The following NANOG variants were observed in gnomAD, a reference collection of about 807,000 sequenced individuals.
The protein encoded by NANOG is homeobox protein NANOG.
In NANOG, 2 loss-of-function variants were observed where a neutral mutation model predicts 17.7. The ratio of observed to expected loss-of-function variants is 0.11; its 90% confidence interval spans 0.05 to 0.36. The LOEUF (loss-of-function observed/expected upper bound fraction) is 0.36. Ranked by LOEUF, NANOG falls within the 10% of genes least tolerant of loss-of-function variation. NANOG has a pLI of 1.00. For missense variants in NANOG, 174 were observed against 362.1 expected (o/e 0.48, Z 4.22); for synonymous variants, 81 against 124.7 (o/e 0.65, Z 2.33).
rs555462620 is a variant in NANOG, at chr12:7,797,960, T to A, written c.*2865T>A. On this transcript the variant is annotated 3_prime_UTR_variant, in exon 4 of 4. Transcript: ENST00000229307. The stretch of plus-strand genomic sequence containing the variant: ...GAGTCACCAGCCTAGCCCTGTATTA[T>A]GTTTTCTGAACTTTTTTTTTTTTAA... The A allele has an allele frequency of 5.9e-5, 9 of 151,880 alleles. No individual in the cohort carries two copies. The highest frequency in any genetic ancestry group is 1.2e-4 in the Non-Finnish European group (8 of 67,974). The allele number at this position is 151,880 out of a possible 1,614,324, so 9.4% of individuals were successfully genotyped here. A position where few individuals can be genotyped will look rare whatever the true frequency, so the allele number is the denominator to read the frequency against.
rs55702142 is a variant in NANOG, at chr12:7,795,850, T to C, written c.*755T>C. On this transcript the variant is annotated 3_prime_UTR_variant, in exon 4 of 4. Coordinates refer to ENST00000229307, the MANE Select transcript of NANOG (RefSeq NM_024865.4). Reference sequence around the variant, plus strand: ...GCTGTAACATACTTAATTGATTTCTTACCGTTTTTGGCTCTGTTTTGCTAT... The same window carrying C: ...GCTGTAACATACTTAATTGATTTCTCACCGTTTTTGGCTCTGTTTTGCTAT... 1 of 147,620 alleles carries C rather than the reference T, an allele frequency of 6.8e-6. No individual in the cohort carries two copies. The highest frequency in any genetic ancestry group is 1.5e-5 in the Non-Finnish European group (1 of 67,020). The allele number at this position is 147,620 out of a possible 1,614,324, so 9.1% of individuals were successfully genotyped here.
chr12:7,791,007 G>A (rs577595709), intron 1 of NANOG, among the ~76,000 whole-genome samples: 2 of 151,884 alleles, frequency 1.3e-5, no homozygotes, highest in South Asian at 4.2e-4. Context: ...AGCTTCCCAA[G>A]TCGCTGGGAT....
chr12:7,791,737 C>T (rs752603147), intron 1 of NANOG, among the ~76,000 whole-genome samples: 194 of 152,118 alleles, frequency 1.3e-3, no homozygotes, highest in African/African-American at 4.4e-3. Context: ...AGGCCCTATG[C>T]TAGAGAATTT....
In NANOG at chr12:7,796,193, G is replaced by A. The variant is rs1862927089; in HGVS notation, c.*1098G>A. The A allele has an allele frequency of 6.6e-6, 1 of 152,194 alleles. No homozygotes were observed. Among genetic ancestry groups the A allele is most frequent in the African/African-American group, 2.4e-5 (1 of 41,446 alleles). 9.4% of individuals were successfully genotyped at this position (152,194 alleles called of 1,614,324 possible). A position where few individuals can be genotyped will look rare whatever the true frequency, so the allele number is the denominator to read the frequency against. On this transcript the variant is annotated 3_prime_UTR_variant, in exon 4 of 4. Transcript: ENST00000229307. Reference sequence around the variant, plus strand: ...CCAGCTATTTGGGAGGCTGAGGCAGGAGAATCGCTTGAACCTGGTAGGTGG... The same window carrying A: ...CCAGCTATTTGGGAGGCTGAGGCAGAAGAATCGCTTGAACCTGGTAGGTGG...
Position 7,789,539 on chromosome 12 carries a change from GAA to G in NANOG, c.-73_-72del, listed in dbSNP as rs1862804908. ...GGTCCTATTTCTCTAACATCTTCCA[GAA>G]AAGTCTTAAAGCTGCCTTAACCTTT... is the stretch of plus-strand genomic sequence containing the variant. On this transcript the variant is annotated 5_prime_UTR_variant, in exon 1 of 4. An upstream open reading frame in the 5' UTR loses its in-frame stop. Transcript: ENST00000229307. 7.4e-7 allele frequency: 1 copy of G among 1,347,616 alleles called. No homozygotes were observed. Among genetic ancestry groups the G allele is most frequent in the South Asian group, 1.2e-5 (1 of 81,992 alleles). 83.5% of individuals were successfully genotyped at this position (1,347,616 alleles called of 1,614,324 possible). A position where few individuals can be genotyped will look rare whatever the true frequency, so the allele number is the denominator to read the frequency against.
chr12:7,790,996 C>CA (rs1329067541), intron 1 of NANOG, among the ~76,000 whole-genome samples: 1 of 152,008 alleles, frequency 6.6e-6, no homozygotes, highest in African/African-American at 2.4e-5. Flanking sequence ...CCTCCACCCT[C>CA]AGCTTCCCAA....
chr12:7,790,036 G>A (rs1354752141), intron 1 of NANOG, among the ~76,000 whole-genome samples: 1 of 152,134 alleles, frequency 6.6e-6, no homozygotes, highest in African/African-American at 2.4e-5. Flanking sequence ...GAGAACCTAT[G>A]GGCTTAGGCA....
Position 7,794,700 on chromosome 12 carries a change from C to A in NANOG, c.523C>A (p.Pro175Thr). 6.2e-7 allele frequency: 1 copy of A among 1,606,822 alleles called. No homozygotes were observed. The highest frequency in any genetic ancestry group is 8.5e-7 in the Non-Finnish European group (1 of 1,176,344). The change falls in exon 4 of 4, where the codon CCC (proline) becomes ACC (threonine). Residue 175 changes from proline (P) to threonine (T), a missense_variant. By Grantham distance (38) the Pro-to-Thr change is conservative (BLOSUM62 -1). This residue lies in a region of NANOG where 158 missense variants were observed against 244.2 expected (regional missense o/e 0.65). Coordinates refer to ENST00000229307, the MANE Select transcript of NANOG (RefSeq NM_024865.4). The part of the protein sequence containing the change: ...VTQKASAPTY[P>T]SLYSSYHQGC... ...TCAGAAGGCCTCAGCACCTACCTAC[C>A]CCAGCCTTTACTCTTCCTACCACCA...
chr12:7,791,884 C>G (rs1862845540), intron 1 of NANOG, among the ~76,000 whole-genome samples: 1 of 152,088 alleles, frequency 6.6e-6, no homozygotes, highest in African/African-American at 2.4e-5. Flanking sequence ...GAGAACTGGG[C>G]AGTCAGTTGC....
At chr12:7,794,378 TA>T in intron 2 of NANOG, 78 bp from the exon 3 acceptor site, 1 of 1,334,562 alleles carries the variant, frequency 7.5e-7, no homozygotes, top group Non-Finnish European at 1.0e-6. Context: ...TGGCCAGGAA[TA>T]AAAGTTAGCA....
Position 7,791,837 on chromosome 12 carries a change from C to T in NANOG, c.152-1113C>T, listed in dbSNP as rs147951729. ...GGGAAGGCCTGGATTGAAACAGAAGCTTATCCGGATTCACATATCCTGCTG... is the reference window on the plus strand; with the variant it reads ...GGGAAGGCCTGGATTGAAACAGAAGTTTATCCGGATTCACATATCCTGCTG... On this transcript the variant is annotated intron_variant, in intron 1 of 3. Coordinates refer to ENST00000229307, the MANE Select transcript of NANOG (RefSeq NM_024865.4). 1.7e-3 allele frequency among the ~76,000 whole-genome samples: 265 copies of T among 152,308 alleles called. 4 individuals carry two copies. The highest frequency in any genetic ancestry group is 5.9e-3 in the African/African-American group (247 of 41,560).
In NANOG at chr12:7,797,342, C is replaced by A. The variant is rs1247068386; in HGVS notation, c.*2247C>A. ...AAGTGGTGGGATTATAGGTGTGAGC[C>A]ACCGTGTCTGGGCAATTTTTTTTTT... On this transcript the variant is annotated 3_prime_UTR_variant, in exon 4 of 4. Transcript: ENST00000229307. 1 of 147,596 alleles carries A rather than the reference C, an allele frequency of 6.8e-6. No individual in the cohort carries two copies. Among genetic ancestry groups the A allele is most frequent in the Non-Finnish European group, 1.5e-5 (1 of 67,570 alleles). The allele number at this position is 147,596 out of a possible 1,614,324, so 9.1% of individuals were successfully genotyped here. A position where few individuals can be genotyped will look rare whatever the true frequency, so the allele number is the denominator to read the frequency against.
chr12:7,792,351 T>C (rs1302054271), intron 1 of NANOG, among the ~76,000 whole-genome samples: 1 of 152,168 alleles, frequency 6.6e-6, no homozygotes, highest in Non-Finnish European at 1.5e-5. Flanking sequence ...TGGGAGCTTT[T>C]GAGCATCAGT....
Position 7,792,653 on chromosome 12 carries a change from A to C in NANOG, c.152-297A>C, listed in dbSNP as rs776425460. Among the ~76,000 whole-genome samples the C allele has an allele frequency of 2.6e-5, 4 of 152,060 alleles. No individual in the cohort carries two copies. The East Asian group carries it at 7.8e-4, about 30-fold the overall frequency. ...CACTTCAGCCTGGGCAACAAGAGTG[A>C]ACCTCCATCCTAATTTTAAAAAAAA... On this transcript the variant is annotated intron_variant, in intron 1 of 3. Coordinates refer to ENST00000229307, the MANE Select transcript of NANOG (RefSeq NM_024865.4).
intron 2 of NANOG, 91 bp from the exon 3 acceptor site, chr12:7,794,366 C>A (rs1261760741): frequency 2.4e-6 from 3 of 1,226,868 alleles, no homozygotes; most frequent in Admixed American, 2.1e-5. Flanking sequence ...AGATATGGCA[C>A]CTGGCCAGGA....
chr12:7,791,700 T>C (rs1862843167), intron 1 of NANOG, among the ~76,000 whole-genome samples: 1 of 152,146 alleles, frequency 6.6e-6, no homozygotes, highest in Non-Finnish European at 1.5e-5. Context: ...TAGATATTCA[T>C]TTCTAGTTAC....
chr12:7,792,450 A>T (rs966143436), intron 1 of NANOG, among the ~76,000 whole-genome samples: 1 of 152,072 alleles, frequency 6.6e-6, no homozygotes, highest in Non-Finnish European at 1.5e-5. Context: ...GCGGATCACG[A>T]GGTCAGGAGT....
At chr12:7,792,088 G>A (rs1421715706) in intron 1 of NANOG, among the ~76,000 whole-genome samples, 3 of 152,112 alleles carry the variant, frequency 2.0e-5, no homozygotes, top group Non-Finnish European at 4.4e-5. Flanking sequence ...TAGAGATGGG[G>A]TTTCACCATG....
rs1862941074 is a variant in NANOG, at chr12:7,797,038, G to C, written c.*1943G>C. 1 of 151,728 alleles carries C rather than the reference G, an allele frequency of 6.6e-6. No individual in the cohort carries two copies. Among genetic ancestry groups the C allele is most frequent in the Non-Finnish European group, 1.5e-5 (1 of 68,194 alleles). 9.4% of individuals were successfully genotyped at this position (151,728 alleles called of 1,614,324 possible). The stretch of plus-strand genomic sequence containing the variant: ...GCCTCCCAAAGTGTTGGGATTACAG[G>C]CGTGAGCCACTGCGCCTGGCCTATC... On this transcript the variant is annotated 3_prime_UTR_variant, in exon 4 of 4. Transcript: ENST00000229307.
Sources: gnomAD v4.1 joint callset for allele counts (sites outside exome capture counted in the v4.1 genomes callset) on GRCh38, gnomAD v4.1.1 for gene constraint, gnomAD v4.1.1 regional missense constraint, MANE v1.5 for transcripts, NCBI Gene and HGNC (gene_info 2026-07-23, HGNC 2026-07-21) for gene names.